TRAK1: variants seen among roughly 807,000 people sequenced by gnomAD.
TRAK1 encodes trafficking kinesin protein 1, also known as trafficking kinesin-binding protein 1.
A neutral mutation model predicts 92.1 loss-of-function variants in TRAK1; 33 were observed. That is an observed-to-expected ratio of 0.36 (90% CI 0.27 to 0.48). TRAK1 has a LOEUF of 0.48. Among genes scored for constraint, TRAK1 ranks in the 20% least tolerant of loss-of-function variants. The pLI, the probability that TRAK1 is intolerant of heterozygous loss-of-function variation, is 0.99. For missense variants in TRAK1, 1,123 were observed against 1,257.9 expected, an observed-to-expected ratio of 0.89 and a Z score of 1.62; for synonymous variants, 521 against 517.3, an observed-to-expected ratio of 1.01 and a Z score of -0.10.
chr3:42,199,004 C>T (rs934451968), intron 10 of TRAK1, among the ~76,000 whole-genome samples, 173 bp from the exon 11 acceptor site: 2 of 152,184 alleles, frequency 1.3e-5, no homozygotes, highest in African/African-American at 4.8e-5. Context: ...TGGGAAACTG[C>T]TCAGCCAGGG....
chr3:42,041,871 C>T (rs766017203), intron 1 of TRAK1, among the ~76,000 whole-genome samples: 1 of 151,636 alleles, frequency 6.6e-6, no homozygotes, highest in East Asian at 1.9e-4. Context: ...CTTGGCTCAC[C>T]GCAGCCTCCG....
chr3:42,217,755 T>A, intron 14 of TRAK1: 1 of 985,414 alleles, frequency 1.0e-6, no homozygotes, highest in Non-Finnish European at 1.2e-6. Context: ...TGCCTGTTAT[T>A]TGGGATGCTC....
At chr3:42,183,904 C>G (rs535490611) in intron 3 of TRAK1, among the ~76,000 whole-genome samples, 1 of 152,290 alleles carries the variant, frequency 6.6e-6, no homozygotes, top group South Asian at 2.1e-4. Context: ...CAGAGGCTTC[C>G]CTGACTTTAT....
chr3:42,202,623 A>G lies in TRAK1; in HGVS notation c.1615A>G (p.Thr539Ala), dbSNP rs760438924. 5.0e-6 allele frequency: 8 copies of G among 1,607,286 alleles called. No homozygotes were observed. Among genetic ancestry groups the G allele is most frequent in the African/African-American group, 1.3e-5 (1 of 74,796 alleles). The change falls in exon 13 of 16, where the codon ACA becomes GCA. Residue 539 changes from threonine (T) to alanine (A), a missense_variant. By Grantham distance (58) the Thr-to-Ala change is moderately conservative. Around this residue, in one of 3 missense-constraint regions of TRAK1, gnomAD observed 686 missense variants for 747.6 expected, o/e 0.92. Coordinates refer to ENST00000327628, the MANE Select transcript of TRAK1 (RefSeq NM_001042646.3). This position sits in a 1 kb window ranked among gnomAD's most constrained non-coding sequence, Gnocchi z 6.1. ...EKGELRSGSL[T>A]PTESIMSLGT... ...GGGCGAGCTGCGCAGCGGCTCCCTC[A>G]CACCCACTGAGAGCATCATGTCCCT... is the stretch of plus-strand genomic sequence containing the variant.
In TRAK1 at chr3:42,223,576, G is replaced by T; in HGVS notation, c.2701G>T (p.Val901Phe). ...GGGCCTGCCCCTCAGATGCCCCACTGTCACCAGTGCCATCGGTGGGCTGCA... is the reference window on the plus strand; with the variant it reads ...GGGCCTGCCCCTCAGATGCCCCACTTTCACCAGTGCCATCGGTGGGCTGCA... ...PEGLPLRCPT[V>F]TSAIGGLQLN... The change falls in exon 16 of 16, where the codon GTC (valine) becomes TTC (phenylalanine). Residue 901 changes from valine to phenylalanine, a missense_variant. Physicochemically the swap from Val to Phe is conservative, Grantham distance 50 (BLOSUM62 -1). Around this residue, in one of 3 missense-constraint regions of TRAK1, gnomAD observed 401 missense variants for 438.9 expected, o/e 0.91. Coordinates refer to ENST00000327628, the MANE Select transcript of TRAK1 (RefSeq NM_001042646.3). This position sits in a 1 kb window ranked among gnomAD's most constrained non-coding sequence, Gnocchi z 6.1. 1 of 1,613,962 alleles carries T rather than the reference G, an allele frequency of 6.2e-7. No homozygotes were observed. Among genetic ancestry groups the T allele is most frequent in the Non-Finnish European group, 8.5e-7 (1 of 1,180,002 alleles).
chr3:42,200,030 C>T (rs957856760), intron 11 of TRAK1, among the ~76,000 whole-genome samples: 1 of 152,208 alleles, frequency 6.6e-6, no homozygotes, highest in Admixed American at 6.5e-5. Context: ...CATCTGTCTT[C>T]CTACCTCAAC....
intron 3 of TRAK1, 145 bp from the exon 4 acceptor site, chr3:42,184,540 A>G: frequency 1.2e-6 from 1 of 824,146 alleles, no homozygotes; most frequent in South Asian, 1.7e-5. Flanking sequence ...TTTAACAGGC[A>G]TCAAATGCTA....
Position 42,223,018 on chromosome 3 carries a change from C to T in TRAK1, c.2143C>T (p.Pro715Ser), listed in dbSNP as rs1185840571. 6.2e-7 allele frequency: 1 copy of T among 1,614,170 alleles called. No homozygotes were observed. Among genetic ancestry groups the T allele is most frequent in the South Asian group, 1.1e-5 (1 of 91,086 alleles). Residue 715 changes from proline to serine, a missense_variant, in exon 16 of 16, where the codon CCA becomes TCA. By Grantham distance (74) the Pro-to-Ser change is moderately conservative. Coordinates refer to ENST00000327628, the MANE Select transcript of TRAK1 (RefSeq NM_001042646.3). This position sits in a 1 kb window ranked among gnomAD's most constrained non-coding sequence, Gnocchi z 6.1. The stretch of plus-strand genomic sequence containing the variant: ...CACGCCGGTGGCCACACCATGCACT[C>T]CACGGAGACTGAGCCTGGCTGAGTC... The part of the protein sequence containing the change: ...KSTPVATPCT[P>S]RRLSLAESFT...
chr3:42,170,804 T>C (rs1702444290), intron 2 of TRAK1, among the ~76,000 whole-genome samples: 1 of 151,756 alleles, frequency 6.6e-6, no homozygotes, highest in African/African-American at 2.4e-5. Flanking sequence ...AATGCAAATA[T>C]ATCAGGCAGT....
chr3:42,149,128 A>G, intron 2 of TRAK1: 2 of 948,182 alleles, frequency 2.1e-6, no homozygotes, highest in Non-Finnish European at 2.5e-6. Flanking sequence ...TTAGATTGAA[A>G]GATGAGCGGC....
At chr3:42,092,706 G>A (rs200317664) in intron 1 of TRAK1, among the ~76,000 whole-genome samples, 4 of 94,466 alleles carry the variant, frequency 4.2e-5, no homozygotes, top group East Asian at 3.0e-4. Flanking sequence ...GTGTTGTGTT[G>A]TGTTGTGTTA....
intron 1 of TRAK1, among the ~76,000 whole-genome samples, chr3:42,023,300 T>A (rs748746076): frequency 3.9e-5 from 6 of 152,080 alleles, no homozygotes; most frequent in Non-Finnish European, 5.9e-5. Context: ...CACAAGCAAG[T>A]TTGAGAATTT....
intron 1 of TRAK1, among the ~76,000 whole-genome samples, chr3:42,078,685 G>A (rs575342482): frequency 2.6e-5 from 4 of 151,186 alleles, no homozygotes; most frequent in African/African-American, 9.7e-5. Context: ...CCTGGGAGGC[G>A]GAGCTTGCAG....
rs1704522529 is a variant in TRAK1 at position 42,184,683 on chromosome 3, A to T, written c.364-2A>T. The T allele has an allele frequency of 6.2e-7, 1 of 1,613,302 alleles. No homozygotes were observed. The highest frequency in any genetic ancestry group is 8.5e-7 in the Non-Finnish European group (1 of 1,179,492). On this transcript the variant is annotated splice_acceptor_variant, in intron 3 of 15. Coordinates refer to ENST00000327628, the MANE Select transcript of TRAK1 (RefSeq NM_001042646.3). LOFTEE classifies it high-confidence loss of function. ...CTCTGTTCTCCCTCTTTCCTTTTGT[A>T]GAAAGAGCGGGATTTAGAATTGGCC... is the stretch of plus-strand genomic sequence containing the variant.
At chr3:42,091,086 C>G (rs1041724390), upstream of TRAK1, 1 of 223,834 alleles carries the variant, frequency 4.5e-6, no homozygotes, top group Non-Finnish European at 8.7e-6. Flanking sequence ...TTCACTCCTC[C>G]CCCAGTTCCC....
chr3:42,164,994 T>C (rs906912508), intron 2 of TRAK1, among the ~76,000 whole-genome samples: 1 of 152,150 alleles, frequency 6.6e-6, no homozygotes, highest in African/African-American at 2.4e-5. Context: ...TTTTCTTAAA[T>C]GAAATGCATC....
intron 2 of TRAK1, among the ~76,000 whole-genome samples, chr3:42,136,616 CTG>C (rs1431098089): frequency 2.1e-5 from 3 of 145,916 alleles, no homozygotes; most frequent in African/African-American, 7.7e-5. Context: ...GAGTGAGACA[CTG>C]TTTCAATACA....
intron 1 of TRAK1, among the ~76,000 whole-genome samples, chr3:42,081,911 A>G (rs535718040): frequency 2.6e-5 from 4 of 152,158 alleles, no homozygotes; most frequent in Non-Finnish European, 5.9e-5. Flanking sequence ...GTTGTTTTCC[A>G]CTTGAATTTA....
intron 14 of TRAK1, chr3:42,212,382 G>A: frequency 2.0e-6 from 2 of 985,446 alleles, no homozygotes; most frequent in Non-Finnish European, 2.4e-6. Flanking sequence ...ACCTTTTTAT[G>A]TGCAGCTGGT....
Sources: allele counts gnomAD v4.1 joint callset (sites outside exome capture counted in the v4.1 genomes callset), GRCh38; gene constraint gnomAD v4.1.1; regional missense constraint gnomAD v4.1.1; non-coding constraint Gnocchi (gnomAD v3.1); transcripts MANE v1.5; gene names NCBI Gene and HGNC (gene_info 2026-07-23, HGNC 2026-07-21).